The following CD58 variants were observed in gnomAD, a reference collection of about 807,000 sequenced individuals.
CD58 encodes the protein lymphocyte function-associated antigen 3.
Under a neutral mutation model 27.6 loss-of-function variants are expected in CD58, and 14 were observed. That is an observed-to-expected ratio of 0.51 (90% confidence interval 0.34 to 0.79). The LOEUF (loss-of-function observed/expected upper bound fraction) is 0.79. Among genes scored for constraint, CD58 ranks in the 30% least tolerant of loss-of-function variants. The probability of loss-of-function intolerance (pLI) is 0.02; values close to 1 mark genes in which losing one functional copy is unlikely to be tolerated. For missense variants in CD58, 268 were observed against 301.7 expected (o/e 0.89, Z 0.83); for synonymous variants, 117 against 103.8 (o/e 1.13, Z -0.77).
In CD58 at chr1:116,531,011, A is replaced by G. The variant is rs1383124552; in HGVS notation, c.628+4954T>C. On this transcript the variant is annotated intron_variant, in intron 3 of 5. Transcript: ENST00000369489. The surrounding 1 kb of genome is among the most constrained non-coding windows in gnomAD (Gnocchi z 4.5). ...TTCAAAATCTGTTGTATATATGTGA[A>G]CTATCAATTTGGAAGAAAATGTAAA... Among the ~76,000 whole-genome samples the G allele has an allele frequency of 6.6e-6, 1 of 152,216 alleles. No homozygotes were observed. The highest frequency in any genetic ancestry group is 2.4e-5 in the African/African-American group (1 of 41,454).
chr1:116,551,018 T>C (rs61789232), intron 1 of CD58, among the ~76,000 whole-genome samples: 2,127 of 152,324 alleles, frequency 0.014, 24 homozygotes, highest in East Asian at 0.025. Context: ...TAAACCATGC[T>C]GTAAACAGAT....
chr1:116,546,762 G>A lies in CD58; in HGVS notation c.71-2158C>T, dbSNP rs1450838755. ...GGAGGGAAGTGAGGGTAGAGAAAGG[G>A]GAGACTGCAGCTCAGAAGAAATCAA... On this transcript the variant is annotated intron_variant, in intron 1 of 5. Coordinates refer to ENST00000369489, the MANE Select transcript of CD58 (RefSeq NM_001779.3). This position sits in a 1 kb window ranked among gnomAD's most constrained non-coding sequence, Gnocchi z 4.1. Among the ~76,000 whole-genome samples, 1 of 152,108 alleles carries A rather than the reference G, an allele frequency of 6.6e-6. No homozygotes were observed. The highest frequency in any genetic ancestry group is 1.5e-5 in the Non-Finnish European group (1 of 68,016).
At position 116,536,836 on chromosome 1, in the gene CD58, A is replaced by T. The variant is rs1438859576; in HGVS notation, c.365-608T>A. Among the ~76,000 whole-genome samples, 1 of 152,242 alleles carries T rather than the reference A, an allele frequency of 6.6e-6. No homozygotes were observed. The highest frequency in any genetic ancestry group is 1.9e-4 in the East Asian group (1 of 5,196). ...CTTAAATCAAAAAATCTCTGAAGCC[A>T]AAAGAGTCTTCGCAAGTTGGTAGCA... On this transcript the variant is annotated intron_variant, in intron 2 of 5. Transcript: ENST00000369489. The surrounding 1 kb of genome is among the most constrained non-coding windows in gnomAD (Gnocchi z 5.4).
chr1:116,561,165 A>C (rs1054992884), intron 1 of CD58, among the ~76,000 whole-genome samples: 1 of 152,256 alleles, frequency 6.6e-6, no homozygotes, highest in African/African-American at 2.4e-5. Context: ...AAGGAGGTCA[A>C]TAAAATAAAT....
chr1:116,569,510 C>T (rs1184274733), intron 1 of CD58, among the ~76,000 whole-genome samples: 2 of 152,098 alleles, frequency 1.3e-5, no homozygotes, highest in Non-Finnish European at 2.9e-5. Context: ...CTCAAATATC[C>T]TCCCTCCCAT....
In CD58 at chr1:116,563,900, T is replaced by C. The variant is rs986224397; in HGVS notation, c.70+7003A>G. On this transcript the variant is annotated intron_variant, in intron 1 of 5. Transcript: ENST00000369489. The surrounding 1 kb of genome is among the most constrained non-coding windows in gnomAD (Gnocchi z 4.1). ...TAACATTTGGCTCCTCATTACTTAATGCAAATTTCTGCAGCTGGCTTGAAT... is the reference window on the plus strand; with the variant it reads ...TAACATTTGGCTCCTCATTACTTAACGCAAATTTCTGCAGCTGGCTTGAAT... Among the ~76,000 whole-genome samples the C allele has an allele frequency of 1.3e-5, 2 of 152,244 alleles. No individual in the cohort carries two copies. Among genetic ancestry groups the C allele is most frequent in the Non-Finnish European group, 2.9e-5 (2 of 68,036 alleles).
At chr1:116,554,918 C>T (rs1658516374) in intron 1 of CD58, among the ~76,000 whole-genome samples, 1 of 152,070 alleles carries the variant, frequency 6.6e-6, no homozygotes, top group African/African-American at 2.4e-5. Context: ...TTTTCTGTTG[C>T]ACTTCCAAGG....
Position 116,523,352 on chromosome 1 carries a change from A to G in CD58, c.629-1369T>C, listed in dbSNP as rs1657327764. Reference sequence around the variant, plus strand: ...ATTGGGGAGGGGTCACTAAGAACAAATGTGACATGGATATGGGAAAGGAAG... The same window carrying G: ...ATTGGGGAGGGGTCACTAAGAACAAGTGTGACATGGATATGGGAAAGGAAG... On this transcript the variant is annotated intron_variant, in intron 3 of 5. Coordinates refer to ENST00000369489, the MANE Select transcript of CD58 (RefSeq NM_001779.3). This position sits in a 1 kb window ranked among gnomAD's most constrained non-coding sequence, Gnocchi z 4.4. Among the ~76,000 whole-genome samples the G allele has an allele frequency of 6.6e-6, 1 of 152,148 alleles. No individual in the cohort carries two copies. The highest frequency in any genetic ancestry group is 6.5e-5 in the Admixed American group (1 of 15,268).
intron 2 of CD58, among the ~76,000 whole-genome samples, chr1:116,537,032 G>A (rs956756003): frequency 6.6e-6 from 1 of 152,192 alleles, no homozygotes; most frequent in African/African-American, 2.4e-5. Context: ...GAGGCAGGAG[G>A]ATGGCTTGAG....
intron 1 of CD58, among the ~76,000 whole-genome samples, chr1:116,566,665 G>T (rs1215718590): frequency 6.6e-6 from 1 of 152,162 alleles, no homozygotes; most frequent in Non-Finnish European, 1.5e-5. Context: ...AAGCTTGAAG[G>T]TGTTCCCACT....
rs576134811 is a variant in CD58 at position 116,538,969 on chromosome 1, C to A, written c.365-2741G>T. ...ACTCAGAAGCCCAGCTGCCTGAGTGCATATCCCAGCTTCATGACTAAGAGC... is the reference window on the plus strand; with the variant it reads ...ACTCAGAAGCCCAGCTGCCTGAGTGAATATCCCAGCTTCATGACTAAGAGC... On this transcript the variant is annotated intron_variant, in intron 2 of 5. Coordinates refer to ENST00000369489, the MANE Select transcript of CD58 (RefSeq NM_001779.3). The surrounding 1 kb of genome is among the most constrained non-coding windows in gnomAD (Gnocchi z 4.7). Among the ~76,000 whole-genome samples, 40 of 152,314 alleles carry A rather than the reference C, an allele frequency of 2.6e-4. No homozygotes were observed. Among genetic ancestry groups the A allele is most frequent in the African/African-American group, 8.4e-4 (35 of 41,572 alleles).
chr1:116,542,481 G>A (rs1316574115), intron 2 of CD58, among the ~76,000 whole-genome samples: 1 of 152,180 alleles, frequency 6.6e-6, no homozygotes, highest in African/African-American at 2.4e-5. Context: ...CCTATTTGGA[G>A]TGGGTTAAAA....
At position 116,552,185 on chromosome 1, in the gene CD58, C is replaced by A. The variant is rs998323885; in HGVS notation, c.71-7581G>T. On this transcript the variant is annotated intron_variant, in intron 1 of 5. Coordinates refer to ENST00000369489, the MANE Select transcript of CD58 (RefSeq NM_001779.3). The surrounding 1 kb of genome is among the most constrained non-coding windows in gnomAD (Gnocchi z 4.5). ...TATTAAATTGGCCTAATTTCAGTAT[C>A]ATTGTCTCAGGTGACAAGGGAGGCC... Among the ~76,000 whole-genome samples the A allele has an allele frequency of 1.3e-5, 2 of 152,180 alleles. No homozygotes were observed. The highest frequency in any genetic ancestry group is 2.9e-5 in the Non-Finnish European group (2 of 68,040).
In CD58 at chr1:116,552,942, C is replaced by A. The variant is rs1218448661; in HGVS notation, c.71-8338G>T. On this transcript the variant is annotated intron_variant, in intron 1 of 5. Transcript: ENST00000369489. The surrounding 1 kb of genome is among the most constrained non-coding windows in gnomAD (Gnocchi z 4.5). The stretch of plus-strand genomic sequence containing the variant: ...CAAAAAAGACTTTGGCAATTTACAT[C>A]TCCATCAGTAATGCCTGAGTTGCCC... Among the ~76,000 whole-genome samples, 1 of 152,092 alleles carries A rather than the reference C, an allele frequency of 6.6e-6. No individual in the cohort carries two copies. The highest frequency in any genetic ancestry group is 1.5e-5 in the Non-Finnish European group (1 of 68,024).
chr1:116,544,493 T>C lies in CD58; in HGVS notation c.182A>G (p.Asp61Gly). Residue 61 changes from aspartate (D) to glycine (G), a missense_variant, in exon 2 of 6, where the codon GAT becomes GGT. Transcript: ENST00000369489. ...LKEVLWKKQKDKVAELENSEF... is the reference protein window; with the variant it reads ...LKEVLWKKQKGKVAELENSEF... ...AGAATTTTCCAGTTCTGCAACTTTA[T>C]CCTTTTGTTTTTTCCATAGGACCTC... is the stretch of plus-strand genomic sequence containing the variant. 6.2e-7 allele frequency: 1 copy of C among 1,614,098 alleles called. No homozygotes were observed. Among genetic ancestry groups the C allele is most frequent in the Non-Finnish European group, 8.5e-7 (1 of 1,179,974 alleles).
In CD58 at chr1:116,541,716, G is replaced by C. The variant is rs1029513612; in HGVS notation, c.364+2595C>G. Among the ~76,000 whole-genome samples the C allele has an allele frequency of 5.9e-5, 9 of 152,192 alleles. No homozygotes were observed. The highest frequency in any genetic ancestry group is 2.2e-4 in the African/African-American group (9 of 41,450). On this transcript the variant is annotated intron_variant, in intron 2 of 5. Coordinates refer to ENST00000369489, the MANE Select transcript of CD58 (RefSeq NM_001779.3). The surrounding 1 kb of genome is among the most constrained non-coding windows in gnomAD (Gnocchi z 5.3). ...CTTGTGATATTTGAAAGGCCAATTA[G>C]ATGTCTGACTGGAGAGGTACACTGG...
chr1:116,537,873 C>T (rs1055218540), intron 2 of CD58, among the ~76,000 whole-genome samples: 37 of 152,238 alleles, frequency 2.4e-4, no homozygotes, highest in African/African-American at 8.4e-4. Flanking sequence ...ACATTATAAA[C>T]GTCTACTAAA....
chr1:116,559,434 T>C lies in CD58; in HGVS notation c.70+11469A>G, dbSNP rs1336707905. On this transcript the variant is annotated intron_variant, in intron 1 of 5. Transcript: ENST00000369489. This position sits in a 1 kb window ranked among gnomAD's most constrained non-coding sequence, Gnocchi z 4.4. ...GACACAGGCAGTCGGCCCCAGAGCC[T>C]GCACTGTTGGCCAGAACATCAGATG... Among the ~76,000 whole-genome samples the C allele has an allele frequency of 6.6e-6, 1 of 152,222 alleles. No individual in the cohort carries two copies. Among genetic ancestry groups the C allele is most frequent in the Non-Finnish European group, 1.5e-5 (1 of 68,030 alleles).
chr1:116,530,302 T>A (rs1657557953), intron 3 of CD58, among the ~76,000 whole-genome samples: 1 of 151,382 alleles, frequency 6.6e-6, no homozygotes, highest in South Asian at 2.1e-4. Context: ...GCCTCCCGGG[T>A]TCATGCCATT....
Sources: gnomAD v4.1 joint callset for allele counts (sites outside exome capture counted in the v4.1 genomes callset) on GRCh38, gnomAD v4.1.1 for gene constraint, Gnocchi (gnomAD v3.1) non-coding constraint, MANE v1.5 for transcripts, NCBI Gene and HGNC (gene_info 2026-07-23, HGNC 2026-07-21) for gene names.